NRG3: variants seen among roughly 807,000 people sequenced by gnomAD.
The protein encoded by NRG3 is neuregulin 3.
Under a neutral mutation model 66.9 loss-of-function variants are expected in NRG3, and 31 were observed. The observed-to-expected ratio is 0.46, with a 90% confidence interval of 0.35 to 0.63. The LOEUF (loss-of-function observed/expected upper bound fraction) is 0.63. NRG3 is among the 20% of genes least tolerant of loss of function. NRG3 has a pLI of 0.00. For missense variants in NRG3, 910 were observed against 878.9 expected, an observed-to-expected ratio of 1.04 and a Z score of -0.45; for synonymous variants, 393 against 359.4, an observed-to-expected ratio of 1.09 and a Z score of -1.06.
intron 3 of NRG3, among the ~76,000 whole-genome samples, chr10:82,772,812 A>T (rs1467985245): frequency 1.3e-5 from 2 of 149,098 alleles, no homozygotes; most frequent in Non-Finnish European, 3.0e-5. Context: ...CTCAAGCAAC[A>T]CTCTGACCTC....
At chr10:82,899,744 G>A (rs771490801) in intron 4 of NRG3, among the ~76,000 whole-genome samples, 4 of 152,108 alleles carry the variant, frequency 2.6e-5, no homozygotes, top group East Asian at 1.9e-4. Context: ...AATTGTCTGC[G>A]TATTTCAAAG....
chr10:82,379,668 G>A (rs2085482515), intron 2 of NRG3, among the ~76,000 whole-genome samples: 1 of 151,982 alleles, frequency 6.6e-6, no homozygotes, highest in Admixed American at 6.6e-5. Flanking sequence ...GAAGGACTCT[G>A]GTTTAATATA....
intron 1 of NRG3, among the ~76,000 whole-genome samples, chr10:81,963,125 CTTTTTTTTTTTTT>C (rs777026850): frequency 4.3e-5 from 3 of 70,122 alleles, no homozygotes; most frequent in Non-Finnish European, 5.2e-5. Context: ...CACGAGGGCT[CTTTTTTTTTTTTT>C]TTTTTTTTTT....
intron 1 of NRG3, among the ~76,000 whole-genome samples, chr10:82,296,137 G>T (rs2080045950): frequency 6.6e-6 from 1 of 152,174 alleles, no homozygotes; most frequent in African/African-American, 2.4e-5. Context: ...TTCAGGTGAA[G>T]AATATGACAC....
intron 7 of NRG3, among the ~76,000 whole-genome samples, chr10:82,976,030 G>A (rs1852217157): frequency 6.6e-6 from 1 of 151,904 alleles, no homozygotes; most frequent in African/African-American, 2.4e-5. Flanking sequence ...ATTATATTTT[G>A]GCAATATAAG....
chr10:82,296,830 G>T (rs181116139), intron 1 of NRG3, among the ~76,000 whole-genome samples: 1 of 151,634 alleles, frequency 6.6e-6, no homozygotes, highest in African/African-American at 2.4e-5. Flanking sequence ...TTGTTAAATG[G>T]GTATATTTGG....
intron 1 of NRG3, among the ~76,000 whole-genome samples, chr10:82,107,386 G>T (rs532380308): frequency 6.6e-6 from 1 of 152,166 alleles, no homozygotes; most frequent in Non-Finnish European, 1.5e-5. Flanking sequence ...ATAAATGGAA[G>T]ATGTTGCTGA....
intron 1 of NRG3, among the ~76,000 whole-genome samples, chr10:82,054,979 T>A (rs1332869336): frequency 6.6e-6 from 1 of 151,298 alleles, no homozygotes; most frequent in Non-Finnish European, 1.5e-5. Flanking sequence ...ACCAGCACAC[T>A]CTAGCCTGGG....
intron 1 of NRG3, among the ~76,000 whole-genome samples, chr10:82,025,233 ATATCT>A (rs1270087360): frequency 6.6e-6 from 1 of 150,542 alleles, no homozygotes; most frequent in African/African-American, 2.4e-5. Context: ...ATAATATTAA[ATATCT>A]TATTAATATT....
At position 81,935,876 on chromosome 10, in the gene NRG3, A is replaced by AACACACAC. The variant is rs55670416; in HGVS notation, c.823+59755_823+59762dup. ...TTTTCATTATACTTTTCAGTGCCTG[A>AACACACAC]ACACACACACACACACACACACACA... On this transcript the variant is annotated intron_variant, in intron 1 of 8. Transcript: ENST00000372141. 4.7e-3 allele frequency among the ~76,000 whole-genome samples: 622 copies of AACACACAC among 132,506 alleles called. 2 individuals are homozygous for AACACACAC. The highest frequency in any genetic ancestry group is 7.0e-3 in the African/African-American group (242 of 34,656). The allele number at this position is 132,506 out of a possible 152,430, so 86.9% of individuals were successfully genotyped here.
intron 2 of NRG3, among the ~76,000 whole-genome samples, chr10:82,558,484 A>G (rs2044797789): frequency 6.6e-6 from 1 of 152,072 alleles, no homozygotes; most frequent in Non-Finnish European, 1.5e-5. Flanking sequence ...CCCACCTCCT[A>G]TTGCATACCA....
intron 1 of NRG3, among the ~76,000 whole-genome samples, chr10:82,256,596 C>A (rs1404758049): frequency 6.6e-6 from 1 of 152,198 alleles, no homozygotes; most frequent in Admixed American, 6.5e-5. Flanking sequence ...GCTCTACCTT[C>A]TCTTTCTGTT....
chr10:81,913,019 C>T (rs1845315867), intron 1 of NRG3, among the ~76,000 whole-genome samples: 1 of 152,292 alleles, frequency 6.6e-6, no homozygotes, highest in South Asian at 2.1e-4. Context: ...TTAATGTCCC[C>T]TAGTTTTAAT....
intron 1 of NRG3, among the ~76,000 whole-genome samples, chr10:81,987,304 C>G (rs1029526484): frequency 3.3e-5 from 5 of 152,118 alleles, no homozygotes; most frequent in Admixed American, 1.3e-4. Context: ...AGGCTGGTCT[C>G]GAACTCCTGA....
At chr10:81,912,388 A>T (rs1845253879) in intron 1 of NRG3, among the ~76,000 whole-genome samples, 1 of 152,050 alleles carries the variant, frequency 6.6e-6, no homozygotes, top group Non-Finnish European at 1.5e-5. Context: ...AACCTGGTAG[A>T]TTTTTAAATT....
At chr10:82,197,788 T>G (rs2074524061) in intron 1 of NRG3, among the ~76,000 whole-genome samples, 1 of 152,240 alleles carries the variant, frequency 6.6e-6, no homozygotes, top group South Asian at 2.1e-4. Context: ...AAACAAAAAT[T>G]TTGAGTCCTT....
chr10:82,219,338 T>C (rs1346282129), intron 1 of NRG3, among the ~76,000 whole-genome samples: 1 of 146,166 alleles, frequency 6.8e-6, no homozygotes, highest in Non-Finnish European at 1.5e-5. Flanking sequence ...CTTCAGACAT[T>C]GTCAGATGTC....
chr10:82,305,890 A>T (rs1176201695), intron 1 of NRG3, among the ~76,000 whole-genome samples: 1 of 152,192 alleles, frequency 6.6e-6, no homozygotes, highest in Non-Finnish European at 1.5e-5. Context: ...TTTAAAGAAT[A>T]CTGGTGACTG....
At chr10:82,427,293 A>G (rs2089512032) in intron 2 of NRG3, among the ~76,000 whole-genome samples, 1 of 152,144 alleles carries the variant, frequency 6.6e-6, no homozygotes, top group Non-Finnish European at 1.5e-5. Flanking sequence ...ATCTTGCATC[A>G]TTCATTATAA....
Sources: gnomAD v4.1 joint callset for allele counts (sites outside exome capture counted in the v4.1 genomes callset) on GRCh38, gnomAD v4.1.1 for gene constraint, MANE v1.5 for transcripts, NCBI Gene and HGNC (gene_info 2026-07-23, HGNC 2026-07-21) for gene names.